ANK1: variants seen among roughly 807,000 people sequenced by gnomAD.
ANK1 encodes the protein ankyrin-1.
ANK1 carries 51 observed loss-of-function variants against 210.4 expected under a neutral mutation model. The ratio of observed to expected loss-of-function variants is 0.24; its 90% CI spans 0.19 to 0.31. ANK1 has a LOEUF of 0.31. Among genes scored for constraint, ANK1 ranks in the 10% least tolerant of loss-of-function variants. The pLI is 1.00. For missense variants in ANK1, 2,051 were observed against 2,504.4 expected, an observed-to-expected ratio of 0.82 and a Z score of 3.86; for synonymous variants, 967 against 1,025.9, an observed-to-expected ratio of 0.94 and a Z score of 1.10.
At chr8:41,676,520 G>C (rs1814209526) in intron 37 of ANK1, among the ~76,000 whole-genome samples, 1 of 152,176 alleles carries the variant, frequency 6.6e-6, no homozygotes, top group South Asian at 2.1e-4. Flanking sequence ...CTCCCAGTCT[G>C]TAGCTCGTCT....
chr8:41,683,366 G>A (rs4737004), intron 37 of ANK1, among the ~76,000 whole-genome samples: 37,063 of 152,128 alleles, frequency 0.24, 5,722 homozygotes, highest in South Asian at 0.32. Flanking sequence ...CACACTTCAG[G>A]AGACACAGGA....
At chr8:41,750,029 G>A (rs1028595131) in intron 2 of ANK1, among the ~76,000 whole-genome samples, 2 of 152,174 alleles carry the variant, frequency 1.3e-5, no homozygotes, top group Non-Finnish European at 2.9e-5. Context: ...ATTGAATGCC[G>A]TGAGCTCCAC....
chr8:41,688,369 C>T, intron 34 of ANK1, 139 bp from the exon 35 acceptor site: 1 of 1,420,722 alleles, frequency 7.0e-7, no homozygotes, highest in South Asian at 1.2e-5. Context: ...AGGGGAAGAC[C>T]CGAGTCAGCT....
rs951529956 is a variant in ANK1 at position 41,718,019 on chromosome 8, T to C, written c.1206+87A>G. ...GCAGACACACACACCCCTGCAGCCA[T>C]ACAAAGCTACAAAGAGCGACTCTTG... On this transcript the variant is annotated intron_variant, in intron 11 of 42. Coordinates refer to ENST00000289734, the MANE Select transcript of ANK1 (RefSeq NM_000037.4). 3.9e-6 allele frequency: 5 copies of C among 1,296,216 alleles called. No individual in the cohort carries two copies. In the South Asian group the frequency reaches 4.9e-5, roughly 13 times the overall value. 80.3% of individuals were successfully genotyped at this position (1,296,216 alleles called of 1,614,324 possible). A position where few individuals can be genotyped will look rare whatever the true frequency, so the allele number is the denominator to read the frequency against.
intron 1 of ANK1, among the ~76,000 whole-genome samples, chr8:41,805,225 G>GTC (rs1850781482): frequency 1.5e-5 from 2 of 131,882 alleles, no homozygotes; most frequent in Non-Finnish European, 1.6e-5. Context: ...CTCTCTCTCT[G>GTC]TCTCTCTCTC....
chr8:41,848,048 G>A (rs974765836), intron 1 of ANK1, among the ~76,000 whole-genome samples: 2 of 152,012 alleles, frequency 1.3e-5, no homozygotes, highest in African/African-American at 4.8e-5. Context: ...AGCCGGGTGT[G>A]ATGGTGTGCA....
rs1469183631 is a variant in ANK1, at chr8:41,797,428, T to C, written c.27+84A>G. The C allele has an allele frequency of 1.5e-6, 2 of 1,309,506 alleles. No homozygotes were observed. The highest frequency in any genetic ancestry group is 5.0e-5 in the East Asian group (2 of 40,236). The allele number at this position is 1,309,506 out of a possible 1,614,324, so 81.1% of individuals were successfully genotyped here. ...CGGGTGGGGTGTGCAAAGCTGCTCT[T>C]GCTCGCGTGCTGCCTACTGGCGCGG... On this transcript the variant is annotated intron_variant, in intron 1 of 42. Transcript: ENST00000289734. The surrounding 1 kb of genome is among the most constrained non-coding windows in gnomAD (Gnocchi z 4.0).
chr8:41,894,551 A>C (rs546748940), intron 1 of ANK1, among the ~76,000 whole-genome samples: 1 of 152,140 alleles, frequency 6.6e-6, no homozygotes, highest in African/African-American at 2.4e-5. Context: ...ATCACAGGAG[A>C]GGGGGTGGGA....
At chr8:41,755,271 C>G (rs1431964951) in intron 2 of ANK1, among the ~76,000 whole-genome samples, 1 of 152,220 alleles carries the variant, frequency 6.6e-6, no homozygotes. Context: ...GGCAGTTACA[C>G]CCAAGGCCTC....
chr8:41,777,402 C>T (rs968431249), intron 1 of ANK1, among the ~76,000 whole-genome samples: 2 of 151,990 alleles, frequency 1.3e-5, no homozygotes, highest in African/African-American at 4.8e-5. Flanking sequence ...TGGTGAAACC[C>T]CATCTCTACT....
intron 1 of ANK1, among the ~76,000 whole-genome samples, chr8:41,817,053 T>G (rs1343933654): frequency 6.6e-6 from 1 of 152,202 alleles, no homozygotes; most frequent in Non-Finnish European, 1.5e-5. Flanking sequence ...CTCATGCTTT[T>G]GTACTCAAGA....
chr8:41,758,260 G>A, intron 1 of ANK1, 123 bp from the exon 2 acceptor site: 1 of 846,106 alleles, frequency 1.2e-6, no homozygotes, highest in South Asian at 1.3e-5. Context: ...GGTGCCCACA[G>A]TGACACCAGG....
At chr8:41,775,323 G>T (rs1843784819) in intron 1 of ANK1, among the ~76,000 whole-genome samples, 2 of 152,372 alleles carry the variant, frequency 1.3e-5, no homozygotes, top group South Asian at 4.1e-4. Context: ...GCCAGGATGG[G>T]TGGCCCATTG....
chr8:41,706,155 G>A lies in ANK1; in HGVS notation c.2085C>T (p.Asp695=), dbSNP rs775922939. Residue 695 remains aspartate, a synonymous_variant, in exon 18 of 43, where the codon GAC becomes GAT. Transcript: ENST00000289734. ...CTGCCTGCCTTACCCGGGTGGTGGCGTCCACCATGACGCCGTGTTTGATCA... is the reference window on the plus strand; with the variant it reads ...CTGCCTGCCTTACCCGGGTGGTGGCATCCACCATGACGCCGTGTTTGATCA... ...DVLIKHGVMV[D]ATTRMGYTPL... 5.0e-5 allele frequency: 80 copies of A among 1,613,814 alleles called. No homozygotes were observed. The Admixed American group carries it at 1.0e-3, about 21-fold the overall frequency.
At chr8:41,890,924 T>C (rs556777776) in intron 1 of ANK1, among the ~76,000 whole-genome samples, 17 of 152,296 alleles carry the variant, frequency 1.1e-4, no homozygotes, top group Middle Eastern at 3.4e-3. Context: ...AAGCCATAGA[T>C]ATCTAGTGAA....
At chr8:41,798,737 C>T (rs1379381190), upstream of ANK1, among the ~76,000 whole-genome samples, 1 of 152,140 alleles carries the variant, frequency 6.6e-6, no homozygotes, top group Non-Finnish European at 1.5e-5. Context: ...GGGCTGTCTC[C>T]CTCCATGGTT....
At chr8:41,860,354 C>A (rs1325117819) in intron 1 of ANK1, among the ~76,000 whole-genome samples, 1 of 152,216 alleles carries the variant, frequency 6.6e-6, no homozygotes, top group Non-Finnish European at 1.5e-5. Context: ...GGCAAGAGAA[C>A]CCCAAACTAC....
At chr8:41,887,474 G>A (rs922357061) in intron 1 of ANK1, among the ~76,000 whole-genome samples, 13 of 152,136 alleles carry the variant, frequency 8.5e-5, no homozygotes, top group Admixed American at 8.5e-4. Flanking sequence ...GCCCAGGCTG[G>A]TCTTGAGCTC....
At chr8:41,816,076 C>G (rs1217084457) in intron 1 of ANK1, among the ~76,000 whole-genome samples, 1 of 152,174 alleles carries the variant, frequency 6.6e-6, no homozygotes, top group African/African-American at 2.4e-5. Context: ...CTTTATCGCT[C>G]TTACATCTGT....
Sources: allele counts gnomAD v4.1 joint callset (sites outside exome capture counted in the v4.1 genomes callset), GRCh38; gene constraint gnomAD v4.1.1; non-coding constraint Gnocchi (gnomAD v3.1); transcripts MANE v1.5; gene names NCBI Gene and HGNC (gene_info 2026-07-23, HGNC 2026-07-21).